Variants in RBMS3 observed in about 807,000 individuals in gnomAD.
The protein encoded by RBMS3 is RNA-binding motif, single-stranded-interacting protein 3.
In RBMS3, 27 loss-of-function variants were observed where a neutral mutation model predicts 66.8. The ratio of observed to expected loss-of-function variants is 0.40; its 90% CI spans 0.30 to 0.56. The LOEUF (loss-of-function observed/expected upper bound fraction) is 0.56, where lower values mean the gene tolerates loss of function less well. Ranked by LOEUF, RBMS3 falls within the 20% of genes least tolerant of loss-of-function variation. The pLI, the probability that RBMS3 is intolerant of heterozygous loss-of-function variation, is 0.40. For missense variants in RBMS3, 513 were observed against 549.5 expected, an observed-to-expected ratio of 0.93 and a Z score of 0.66; for synonymous variants, 188 against 183.0, an observed-to-expected ratio of 1.03 and a Z score of -0.22.
At chr3:29,889,141 C>T (rs890992334) in intron 8 of RBMS3, among the ~76,000 whole-genome samples, 1 of 151,578 alleles carries the variant, frequency 6.6e-6, no homozygotes, top group Admixed American at 6.6e-5. Context: ...ACTGGACCGT[C>T]TGTGATTCTT....
At chr3:29,889,306 G>T (rs578161315) in intron 8 of RBMS3, among the ~76,000 whole-genome samples, 1 of 151,710 alleles carries the variant, frequency 6.6e-6, no homozygotes, top group African/African-American at 2.4e-5. Context: ...CAGTAACTAC[G>T]TAATAATATA....
chr3:29,369,041 C>T (rs760496319), intron 1 of RBMS3, among the ~76,000 whole-genome samples: 2 of 152,046 alleles, frequency 1.3e-5, no homozygotes, highest in Non-Finnish European at 2.9e-5. Flanking sequence ...AGCCATTATC[C>T]TCAGCAAACT....
intron 4 of RBMS3, among the ~76,000 whole-genome samples, chr3:29,727,519 A>G (rs999692444): frequency 1.3e-5 from 2 of 152,206 alleles, no homozygotes; most frequent in African/African-American, 4.8e-5. Flanking sequence ...TTTACAAGAA[A>G]AAAACAACCC....
intron 1 of RBMS3, among the ~76,000 whole-genome samples, chr3:29,424,004 A>T (rs2125706469): frequency 6.6e-6 from 1 of 152,340 alleles, no homozygotes; most frequent in Non-Finnish European, 1.5e-5. Flanking sequence ...GAGTTCTGAG[A>T]TCAGGAAATA....
chr3:29,614,467 G>A (rs1057088613), intron 4 of RBMS3: 1 of 152,040 alleles, frequency 6.6e-6, no homozygotes, highest in Admixed American at 6.6e-5. Context: ...GATTTGAAAT[G>A]TTCTCACCAC....
At chr3:29,979,745 G>C (rs915415978) in intron 12 of RBMS3, among the ~76,000 whole-genome samples, 36 of 152,244 alleles carry the variant, frequency 2.4e-4, no homozygotes, top group African/African-American at 8.2e-4. Flanking sequence ...CTTTATCCAT[G>C]TCCCTGCAAA....
At chr3:29,843,364 A>G (rs926521344) in intron 6 of RBMS3, among the ~76,000 whole-genome samples, 7 of 152,186 alleles carry the variant, frequency 4.6e-5, no homozygotes, top group African/African-American at 1.7e-4. Context: ...GAGATAGCGG[A>G]TCATATAGAT....
chr3:29,859,821 A>T (rs2059169245), intron 6 of RBMS3, among the ~76,000 whole-genome samples: 1 of 152,170 alleles, frequency 6.6e-6, no homozygotes, highest in African/African-American at 2.4e-5. Flanking sequence ...TTGTGGTTGA[A>T]ATTGAAAGCT....
At chr3:29,842,680 G>A (rs2058690714) in intron 6 of RBMS3, among the ~76,000 whole-genome samples, 1 of 152,134 alleles carries the variant, frequency 6.6e-6, no homozygotes, top group Non-Finnish European at 1.5e-5. Flanking sequence ...ATTAAGTTAA[G>A]AATCTTTAGA....
intron 8 of RBMS3, among the ~76,000 whole-genome samples, chr3:29,886,220 T>A (rs530475725): frequency 2.0e-5 from 3 of 152,026 alleles, no homozygotes; most frequent in East Asian, 1.9e-4. Context: ...TGCCCCAAAA[T>A]GTATTTTACA....
At chr3:29,757,014 G>C (rs1400670122) in intron 5 of RBMS3, among the ~76,000 whole-genome samples, 1 of 152,040 alleles carries the variant, frequency 6.6e-6, no homozygotes, top group Admixed American at 6.6e-5. Context: ...TAAATCATTA[G>C]CCCTTGGTGT....
intron 4 of RBMS3, among the ~76,000 whole-genome samples, chr3:29,670,424 A>C (rs1398795788): frequency 6.6e-6 from 1 of 152,158 alleles, no homozygotes; most frequent in African/African-American, 2.4e-5. Flanking sequence ...GGTGCAGCCC[A>C]CAGAGTGTGA....
chr3:29,400,120 T>TG (rs1559549560), intron 1 of RBMS3, among the ~76,000 whole-genome samples: 1 of 152,046 alleles, frequency 6.6e-6, no homozygotes, highest in Non-Finnish European at 1.5e-5. Flanking sequence ...CCAGCCCTTC[T>TG]GGGGAAAAAA....
At position 29,339,717 on chromosome 3, in the gene RBMS3, T is replaced by C. The variant is rs545443841; in HGVS notation, c.75+57961T>C. Among the ~76,000 whole-genome samples, 21 of 152,184 alleles carry C rather than the reference T, an allele frequency of 1.4e-4. No homozygotes were observed. The South Asian group carries it at 3.9e-3, about 29-fold the overall frequency. ...TTCTGGCAAGAACTGCTATCTAAAA[T>C]AATATGTTATTCACAAGTCTCAGAA... On this transcript the variant is annotated intron_variant, in intron 1 of 14. Transcript: ENST00000383767.
chr3:29,976,619 C>T (rs558682055), intron 12 of RBMS3, among the ~76,000 whole-genome samples: 2 of 152,054 alleles, frequency 1.3e-5, no homozygotes, highest in Non-Finnish European at 2.9e-5. Flanking sequence ...ACTCGACGCT[C>T]AAGGAAAATA....
At chr3:29,704,792 T>C (rs1052674040) in intron 4 of RBMS3, among the ~76,000 whole-genome samples, 16 of 152,220 alleles carry the variant, frequency 1.1e-4, no homozygotes, top group Admixed American at 1.3e-4. Context: ...AGAATGCAGA[T>C]TTTTTTGACA....
At chr3:29,658,289 G>T (rs1007522500) in intron 4 of RBMS3, among the ~76,000 whole-genome samples, 1 of 152,122 alleles carries the variant, frequency 6.6e-6, no homozygotes, top group African/African-American at 2.4e-5. Context: ...CAGAGCAAAA[G>T]AACTTAAAAC....
intron 4 of RBMS3, among the ~76,000 whole-genome samples, chr3:29,723,483 G>A (rs905358654): frequency 3.9e-5 from 6 of 152,128 alleles, no homozygotes; most frequent in Non-Finnish European, 7.3e-5. Flanking sequence ...TTTATCATAT[G>A]TGTTAAAATC....
intron 1 of RBMS3, among the ~76,000 whole-genome samples, chr3:29,301,909 T>C (rs17023219): frequency 0.027 from 4,163 of 152,116 alleles, 212 homozygotes; most frequent in African/African-American, 0.095. Flanking sequence ...TGAAATTGCA[T>C]TGTTGGAAGA....
Sources: gnomAD v4.1 joint callset for allele counts (sites outside exome capture counted in the v4.1 genomes callset) on GRCh38, gnomAD v4.1.1 for gene constraint, MANE v1.5 for transcripts, NCBI Gene and HGNC (gene_info 2026-07-23, HGNC 2026-07-21) for gene names.